ANO1: variants seen among roughly 807,000 people sequenced by gnomAD.
ANO1 encodes anoctamin-1.
In ANO1, 59 loss-of-function variants were observed where a neutral mutation model predicts 124.0. The ratio of observed to expected loss-of-function variants is 0.48; its 90% CI spans 0.39 to 0.59. The LOEUF (loss-of-function observed/expected upper bound fraction) is 0.59, where lower values mean the gene tolerates loss of function less well. ANO1 is among the 20% of genes least tolerant of loss of function. The pLI is 0.00. For missense variants in ANO1, 1,059 were observed against 1,328.0 expected (o/e 0.80, Z 3.15); for synonymous variants, 529 against 532.0 (o/e 0.99, Z 0.08).
chr11:70,136,686 G>A (rs1222850111), intron 11 of ANO1, among the ~76,000 whole-genome samples: 1 of 147,580 alleles, frequency 6.8e-6, no homozygotes, highest in Non-Finnish European at 1.5e-5. Context: ...CCTGGAAGCC[G>A]CCCTCAGACA....
chr11:70,045,201 C>A (rs528272750), intron 1 of ANO1, among the ~76,000 whole-genome samples: 2 of 152,156 alleles, frequency 1.3e-5, no homozygotes, highest in Non-Finnish European at 2.9e-5. Context: ...ATTCCTTGTG[C>A]GATCTTGGCA....
chr11:70,105,381 G>A (rs1030956749), intron 4 of ANO1, among the ~76,000 whole-genome samples: 1 of 151,820 alleles, frequency 6.6e-6, no homozygotes. Context: ...CCTGTCCCCC[G>A]CCTTGTTGAA....
At chr11:70,035,225 C>A (rs553135901) in intron 1 of ANO1, among the ~76,000 whole-genome samples, 60 of 152,254 alleles carry the variant, frequency 3.9e-4, no homozygotes, top group Non-Finnish European at 6.3e-4. Context: ...AGTGTCAGGT[C>A]CAGCCCTCCA....
intron 1 of ANO1, among the ~76,000 whole-genome samples, chr11:70,050,860 A>T (rs1857340452): frequency 6.6e-6 from 1 of 152,200 alleles, no homozygotes; most frequent in Non-Finnish European, 1.5e-5. Flanking sequence ...GGATACTAAC[A>T]AGGTTATAGG....
At chr11:70,010,865 T>C (rs1298591926) in intron 1 of ANO1, among the ~76,000 whole-genome samples, 3 of 152,156 alleles carry the variant, frequency 2.0e-5, no homozygotes, top group Non-Finnish European at 4.4e-5. Context: ...CTCCTCCCCT[T>C]CTCTGTTGTC....
At chr11:70,173,939 ATT>A (rs367804030) in intron 22 of ANO1, among the ~76,000 whole-genome samples, 9 of 143,630 alleles carry the variant, frequency 6.3e-5, no homozygotes, top group African/African-American at 1.8e-4. Flanking sequence ...GGCAGTTTTA[ATT>A]TTTTTTTTTT....
intron 1 of ANO1, among the ~76,000 whole-genome samples, chr11:69,993,064 G>T (rs17160523): frequency 1.3e-5 from 2 of 152,032 alleles, no homozygotes; most frequent in African/African-American, 4.8e-5. Context: ...GCCATGATTC[G>T]TCTGGGCTCT....
chr11:70,014,158 A>C (rs373427484), intron 1 of ANO1, among the ~76,000 whole-genome samples: 45 of 150,826 alleles, frequency 3.0e-4, no homozygotes, highest in African/African-American at 1.1e-3. Context: ...GAGTTTTAAC[A>C]TATCAACTGG....
In ANO1 at chr11:70,145,873, G is replaced by A. The variant is rs142854286; in HGVS notation, c.1259-3837G>A. On this transcript the variant is annotated intron_variant, in intron 11 of 25. Transcript: ENST00000355303. ...AATTACTTGAACTCAGGAGGCAGAC[G>A]TTGCAGTGAGCTGAGATCACACCAC... Among the ~76,000 whole-genome samples, 18 of 148,820 alleles carry A rather than the reference G, an allele frequency of 1.2e-4. No individual in the cohort carries two copies. In the East Asian group the frequency reaches 1.4e-3, roughly 12 times the overall value.
At chr11:70,010,055 G>A (rs1856562186) in intron 1 of ANO1, among the ~76,000 whole-genome samples, 1 of 151,292 alleles carries the variant, frequency 6.6e-6, no homozygotes, top group East Asian at 1.9e-4. Context: ...ACTTCCCTTA[G>A]AATAATGATC....
At chr11:70,103,289 C>T (rs1007917646) in intron 3 of ANO1, 125 bp downstream of exon 3, 51 of 731,562 alleles carry the variant, frequency 7.0e-5, no homozygotes, top group South Asian at 2.5e-4. Context: ...GTGGGCTTCA[C>T]GGCTACCCCT....
chr11:70,107,464 G>T (rs945375053), intron 5 of ANO1, among the ~76,000 whole-genome samples: 2 of 143,496 alleles, frequency 1.4e-5, no homozygotes, highest in Non-Finnish European at 3.1e-5. Flanking sequence ...GGGCGGGGTT[G>T]TTGGGACAGG....
intron 1 of ANO1, among the ~76,000 whole-genome samples, chr11:69,995,490 C>T (rs1402896165): frequency 2.6e-5 from 4 of 152,180 alleles, no homozygotes; most frequent in African/African-American, 9.7e-5. Flanking sequence ...CTCCAGAACA[C>T]CACAGTGCAT....
chr11:70,035,014 A>G (rs954561445), intron 1 of ANO1, among the ~76,000 whole-genome samples: 8 of 151,850 alleles, frequency 5.3e-5, no homozygotes, highest in Non-Finnish European at 1.2e-4. Context: ...GTGGGCTCCT[A>G]TGTTGGGGGA....
chr11:70,077,587 C>T (rs527518695), upstream of ANO1, among the ~76,000 whole-genome samples: 9 of 152,308 alleles, frequency 5.9e-5, no homozygotes, highest in African/African-American at 1.9e-4. Flanking sequence ...CCCCCCGCTC[C>T]GCCCCTCCAG....
chr11:70,124,442 T>A, intron 9 of ANO1, 28 bp downstream of exon 9: 1 of 1,609,770 alleles, frequency 6.2e-7, no homozygotes, highest in Non-Finnish European at 8.5e-7. Flanking sequence ...CCTGCGGGAA[T>A]CAAGTCCCTA....
chr11:70,104,165 C>T lies in ANO1; in HGVS notation c.692+15C>T. The T allele has an allele frequency of 6.2e-7, 1 of 1,606,288 alleles. No homozygotes were observed. Among genetic ancestry groups the T allele is most frequent in the Non-Finnish European group, 8.5e-7 (1 of 1,175,590 alleles). ...AAGCAGCATCTGTAAGTGGGGACCCCCAGCCTGCTCCCCAAAGGGTCCTGT... is the reference window on the plus strand; with the variant it reads ...AAGCAGCATCTGTAAGTGGGGACCCTCAGCCTGCTCCCCAAAGGGTCCTGT... On this transcript the variant is annotated intron_variant, in intron 4 of 25. Coordinates refer to ENST00000355303, the MANE Select transcript of ANO1 (RefSeq NM_018043.7).
chr11:70,009,917 C>T (rs1241409794), intron 1 of ANO1, among the ~76,000 whole-genome samples: 1 of 151,990 alleles, frequency 6.6e-6, no homozygotes, highest in Admixed American at 6.5e-5. Context: ...TTTTATCCCT[C>T]ACCCTCCTCC....
At chr11:70,151,594 T>A (rs1290479131) in intron 12 of ANO1, among the ~76,000 whole-genome samples, 1 of 152,188 alleles carries the variant, frequency 6.6e-6, no homozygotes, top group East Asian at 1.9e-4. Context: ...CATTCCCTGA[T>A]CTCCTGACCC....
Sources: allele counts gnomAD v4.1 joint callset (sites outside exome capture counted in the v4.1 genomes callset), GRCh38; gene constraint gnomAD v4.1.1; transcripts MANE v1.5; gene names NCBI Gene and HGNC (gene_info 2026-07-23, HGNC 2026-07-21).